The following MIS18A variants were observed in gnomAD, a reference collection of about 807,000 sequenced individuals.
The protein encoded by MIS18A is protein Mis18-alpha.
Under a neutral mutation model 25.0 loss-of-function variants are expected in MIS18A, and 14 were observed. That is an observed-to-expected ratio of 0.56 (90% CI 0.37 to 0.88). The LOEUF is 0.88. Among genes scored for constraint, MIS18A ranks in the 40% least tolerant of loss-of-function variants. The probability of loss-of-function intolerance (pLI) is 0.00; values close to 1 mark genes in which losing one functional copy is unlikely to be tolerated. For synonymous variants in MIS18A, 134 were observed against 118.6 expected, an observed-to-expected ratio of 1.13 and a Z score of -0.84; for missense variants, 292 against 290.8, an observed-to-expected ratio of 1.00 and a Z score of -0.03.
chr21:32,270,577 TATA>T, intron 2 of MIS18A, 48 bp from the exon 3 acceptor site: 1 of 1,473,366 alleles, frequency 6.8e-7, no homozygotes, highest in Non-Finnish European at 9.0e-7. Context: ...AGCAACTCAT[TATA>T]ATAAAAATCT....
At chr21:32,271,783 G>A (rs988170329) in intron 2 of MIS18A, among the ~76,000 whole-genome samples, 8 of 152,180 alleles carry the variant, frequency 5.3e-5, no homozygotes, top group Middle Eastern at 3.4e-3. Context: ...AAAGCATGTC[G>A]GTAAATCCCA....
At chr21:32,266,223 T>C (rs1340305984), downstream of MIS18A, among the ~76,000 whole-genome samples, 2 of 152,162 alleles carry the variant, frequency 1.3e-5, no homozygotes, top group Non-Finnish European at 2.9e-5. Context: ...AACCTGTGTG[T>C]GGAAACTCTG....
intron 1 of MIS18A, 51 bp from the exon 2 acceptor site, chr21:32,274,947 T>G: frequency 1.4e-6 from 2 of 1,428,808 alleles, no homozygotes; most frequent in Non-Finnish European, 2.0e-6. Flanking sequence ...CGTTATAACA[T>G]ACCTGCAGAC....
the MIS18A span, among the ~76,000 whole-genome samples, chr21:32,245,858 T>C: frequency 2.0e-5 from 3 of 152,154 alleles, no homozygotes; most frequent in Non-Finnish European, 2.9e-5. Context: ...CATTCTTGCA[T>C]TGTTATAAAG....
chr21:32,218,006 A>C, the MIS18A span, among the ~76,000 whole-genome samples: 1 of 151,860 alleles, frequency 6.6e-6, no homozygotes, highest in Non-Finnish European at 1.5e-5. Flanking sequence ...ATCCTGGCTA[A>C]CATGGTGAAA....
the MIS18A span, among the ~76,000 whole-genome samples, chr21:32,184,359 G>C: frequency 6.6e-6 from 1 of 152,186 alleles, no homozygotes. Context: ...GCGACAAATA[G>C]CATGTCCAAA....
the MIS18A span, among the ~76,000 whole-genome samples, chr21:32,218,271 A>C: frequency 0.023 from 3,425 of 152,110 alleles, 85 homozygotes; most frequent in African/African-American, 0.058. Flanking sequence ...AGAAATACTA[A>C]AGGGAATCCT....
At chr21:32,217,797 G>C in the MIS18A span, among the ~76,000 whole-genome samples, 9 of 151,930 alleles carry the variant, frequency 5.9e-5, no homozygotes, top group East Asian at 1.7e-3. Flanking sequence ...GAAGGCAAAG[G>C]GTGACATATT....
chr21:32,182,176 G>A, the MIS18A span, among the ~76,000 whole-genome samples: 1 of 152,206 alleles, frequency 6.6e-6, no homozygotes, highest in Non-Finnish European at 1.5e-5. Context: ...CTGATTGATA[G>A]TGGTTGTCTG....
At chr21:32,269,436 AC>A (rs1276896417) in intron 4 of MIS18A, among the ~76,000 whole-genome samples, 1 of 152,224 alleles carries the variant, frequency 6.6e-6, no homozygotes, top group Non-Finnish European at 1.5e-5. Context: ...CAAACAAAAT[AC>A]TGATTTGAAT....
At chr21:32,193,480 GTAGATAGA>G in the MIS18A span, among the ~76,000 whole-genome samples, 3,798 of 138,016 alleles carry the variant, frequency 0.028, 71 homozygotes, top group African/African-American at 0.055. Flanking sequence ...AGATAGATAG[GTAGATAGA>G]TAGATAGATA....
chr21:32,263,350 C>T (rs1472049744), downstream of MIS18A, among the ~76,000 whole-genome samples: 2 of 152,216 alleles, frequency 1.3e-5, no homozygotes, highest in Non-Finnish European at 2.9e-5. Context: ...AATCCCAGCA[C>T]TTTGGCAGGC....
the MIS18A span, among the ~76,000 whole-genome samples, chr21:32,157,704 T>C: frequency 2.6e-5 from 4 of 152,054 alleles, no homozygotes; most frequent in African/African-American, 4.8e-5. Flanking sequence ...AGATTGTTTA[T>C]TTTTTTCATT....
chr21:32,261,497 A>G, the MIS18A span: 1 of 152,194 alleles, frequency 6.6e-6, no homozygotes, highest in Admixed American at 6.5e-5. Context: ...GAATCAATAG[A>G]GTGGTTAGAG....
chr21:32,253,677 G>T, the MIS18A span, among the ~76,000 whole-genome samples: 1 of 152,032 alleles, frequency 6.6e-6, no homozygotes, highest in African/African-American at 2.4e-5. Context: ...CCACCAAGTG[G>T]GACCCTTTGC....
the MIS18A span, among the ~76,000 whole-genome samples, chr21:32,174,412 A>G: frequency 8.5e-4 from 130 of 152,270 alleles, no homozygotes; most frequent in Non-Finnish European, 1.4e-3. Flanking sequence ...CTCTCAAACA[A>G]GGTAGACTTT....
At chr21:32,200,380 A>G in the MIS18A span, among the ~76,000 whole-genome samples, 2 of 151,704 alleles carry the variant, frequency 1.3e-5, no homozygotes, top group East Asian at 1.9e-4. Context: ...AGCTCTCACT[A>G]GCTTCTGAAG....
At chr21:32,215,345 A>C in the MIS18A span, among the ~76,000 whole-genome samples, 1 of 152,174 alleles carries the variant, frequency 6.6e-6, no homozygotes, top group Non-Finnish European at 1.5e-5. Flanking sequence ...ACTGTGGGGA[A>C]ACATTTGGGA....
the MIS18A span, among the ~76,000 whole-genome samples, chr21:32,196,598 G>A: frequency 4.6e-5 from 7 of 151,998 alleles, no homozygotes. Context: ...GGGACTACAG[G>A]TGCATGCCAC....
Sources: allele counts gnomAD v4.1 joint callset (sites outside exome capture counted in the v4.1 genomes callset), GRCh38; gene constraint gnomAD v4.1.1; transcripts MANE v1.5; gene names NCBI Gene and HGNC (gene_info 2026-07-23, HGNC 2026-07-21).